The following DYRK1A variants were observed in gnomAD, a reference collection of about 807,000 sequenced individuals.
DYRK1A encodes the protein dual specificity tyrosine-phosphorylation-regulated kinase 1A.
Under a neutral mutation model 79.7 loss-of-function variants are expected in DYRK1A, and 9 were observed. That is an observed-to-expected ratio of 0.11 (90% CI 0.07 to 0.20). The LOEUF (loss-of-function observed/expected upper bound fraction) is 0.20, where lower values mean the gene tolerates loss of function less well. Ranked by LOEUF, DYRK1A falls within the 10% of genes least tolerant of loss-of-function variation. DYRK1A has a pLI of 1.00. For synonymous variants in DYRK1A, 349 were observed against 329.7 expected (o/e 1.06, Z -0.63); for missense variants, 622 against 956.0 (o/e 0.65, Z 4.61).
At chr21:37,504,157 C>A in intron 9 of DYRK1A, 1 of 152,328 alleles carries the variant, frequency 6.6e-6, no homozygotes, top group Non-Finnish European at 1.5e-5. Context: ...ATGTTTTGAG[C>A]TGGGATCAGG....
intron 5 of DYRK1A, among the ~76,000 whole-genome samples, chr21:37,484,364 T>C (rs955012911): frequency 1.3e-5 from 2 of 151,588 alleles, no homozygotes; most frequent in Non-Finnish European, 2.9e-5. Flanking sequence ...GTTTTGCTTT[T>C]GTTGCCCAGG....
chr21:37,501,149 T>G (rs1423940309), intron 9 of DYRK1A, among the ~76,000 whole-genome samples: 1 of 150,356 alleles, frequency 6.7e-6, no homozygotes, highest in African/African-American at 2.4e-5. Flanking sequence ...TTTTATATGT[T>G]TTTTTTGTTG....
chr21:37,368,666 C>G (rs1243931772), intron 1 of DYRK1A, among the ~76,000 whole-genome samples: 1 of 152,142 alleles, frequency 6.6e-6, no homozygotes, highest in Non-Finnish European at 1.5e-5. Flanking sequence ...CCGGTAGGAA[C>G]TGTTCCCATT....
chr21:37,446,956 T>G (rs2051293507), intron 2 of DYRK1A, among the ~76,000 whole-genome samples: 1 of 152,118 alleles, frequency 6.6e-6, no homozygotes, highest in Non-Finnish European at 1.5e-5. Context: ...CTCTCCTGAT[T>G]GTTACTAGTC....
chr21:37,395,095 C>T (rs2049936990), intron 1 of DYRK1A, among the ~76,000 whole-genome samples: 1 of 152,134 alleles, frequency 6.6e-6, no homozygotes, highest in Non-Finnish European at 1.5e-5. Context: ...TAGTTCTCTT[C>T]TTGATTCTGA....
At chr21:37,504,515 T>C (rs558145840) in intron 9 of DYRK1A, 8 of 152,208 alleles carry the variant, frequency 5.3e-5, no homozygotes, top group Non-Finnish European at 1.2e-4. Flanking sequence ...ATTTTATGAC[T>C]TATTAGAGGA....
rs1452895618 is a variant in DYRK1A at position 37,517,496 on chromosome 21, A to G, written c.*4965A>G. ...ATTCTTGTAAAGTTTTGCTTCCATTATATACTCATTCATTAGTCAGTGTAC... is the reference window on the plus strand; with the variant it reads ...ATTCTTGTAAAGTTTTGCTTCCATTGTATACTCATTCATTAGTCAGTGTAC... On this transcript the variant is annotated 3_prime_UTR_variant, in exon 12 of 12. Transcript: ENST00000647188. The G allele has an allele frequency of 6.6e-6, 1 of 152,116 alleles. No homozygotes were observed. The highest frequency in any genetic ancestry group is 2.4e-5 in the African/African-American group (1 of 41,428). 9.4% of individuals were successfully genotyped at this position (152,116 alleles called of 1,614,324 possible). A position where few individuals can be genotyped will look rare whatever the true frequency, so the allele number is the denominator to read the frequency against.
At chr21:37,366,063 G>C (rs2049295617), upstream of DYRK1A, 2 of 151,428 alleles carry the variant, frequency 1.3e-5, no homozygotes, top group Non-Finnish European at 3.0e-5. Context: ...CCCCCACCAC[G>C]GCCTCCGCCG....
At chr21:37,399,549 C>G (rs1481468962) in intron 1 of DYRK1A, among the ~76,000 whole-genome samples, 1 of 152,140 alleles carries the variant, frequency 6.6e-6, no homozygotes. Flanking sequence ...ACAGTTTGTA[C>G]TTTCATGTTG....
intron 1 of DYRK1A, among the ~76,000 whole-genome samples, chr21:37,374,844 G>A (rs910064407): frequency 6.6e-6 from 1 of 152,126 alleles, no homozygotes; most frequent in African/African-American, 2.4e-5. Context: ...TGAGCCACTG[G>A]GCCTAGCTGG....
intron 11 of DYRK1A, 43 bp downstream of exon 11, chr21:37,506,266 C>G: frequency 6.2e-7 from 1 of 1,613,846 alleles, no homozygotes; most frequent in Middle Eastern, 1.7e-4. Context: ...ACCTGCCATT[C>G]TCAGGTGGAG....
intron 2 of DYRK1A, among the ~76,000 whole-genome samples, chr21:37,450,232 A>C (rs538021891): frequency 5.5e-4 from 84 of 152,260 alleles, no homozygotes; most frequent in African/African-American, 2.0e-3. Context: ...GAGATTTGTT[A>C]GTTTGGTTTT....
Position 37,518,640 on chromosome 21 carries a change from C to G in DYRK1A, c.*6109C>G, listed in dbSNP as rs1320402392. On this transcript the variant is annotated 3_prime_UTR_variant, in exon 12 of 12. Transcript: ENST00000647188. ...CTTTTTTTTTTTTTTTTTTTGGAGACAGTCTTGCTTTGTCTCCCAGGTTGG... is the reference window on the plus strand; with the variant it reads ...CTTTTTTTTTTTTTTTTTTTGGAGAGAGTCTTGCTTTGTCTCCCAGGTTGG... 1 of 133,598 alleles carries G rather than the reference C, an allele frequency of 7.5e-6. No individual in the cohort carries two copies. Among genetic ancestry groups the G allele is most frequent in the Non-Finnish European group, 1.6e-5 (1 of 64,192 alleles). 8.3% of individuals were successfully genotyped at this position (133,598 alleles called of 1,614,324 possible). A position where few individuals can be genotyped will look rare whatever the true frequency, so the allele number is the denominator to read the frequency against.
chr21:37,516,899 A>G lies in DYRK1A; in HGVS notation c.*4368A>G, dbSNP rs567994694. ...CAACTGGACGCTGATTTGAAACACAACTAGAATGCTACAGGTCTCTCTTCC... is the reference window on the plus strand; with the variant it reads ...CAACTGGACGCTGATTTGAAACACAGCTAGAATGCTACAGGTCTCTCTTCC... On this transcript the variant is annotated 3_prime_UTR_variant, in exon 12 of 12. Coordinates refer to ENST00000647188, the MANE Select transcript of DYRK1A (RefSeq NM_001347721.2). 5.9e-5 allele frequency: 9 copies of G among 152,256 alleles called. No individual in the cohort carries two copies. Among genetic ancestry groups the G allele is most frequent in the South Asian group, 4.1e-4 (2 of 4,834 alleles). 9.4% of individuals were successfully genotyped at this position (152,256 alleles called of 1,614,324 possible). A position where few individuals can be genotyped will look rare whatever the true frequency, so the allele number is the denominator to read the frequency against.
At chr21:37,368,322 A>G (rs1392782678) in intron 1 of DYRK1A, among the ~76,000 whole-genome samples, 2 of 152,208 alleles carry the variant, frequency 1.3e-5, no homozygotes, top group African/African-American at 4.8e-5. Context: ...TATCGCCACA[A>G]AACTTCACCA....
chr21:37,396,452 C>G (rs2049961145), intron 1 of DYRK1A, among the ~76,000 whole-genome samples: 1 of 151,310 alleles, frequency 6.6e-6, no homozygotes. Flanking sequence ...CCTGAAAATA[C>G]ATTGCTTGGC....
At chr21:37,487,416 C>T (rs189921081) in intron 6 of DYRK1A, 93 of 152,250 alleles carry the variant, frequency 6.1e-4, no homozygotes, top group African/African-American at 1.9e-3. Flanking sequence ...TCTAGTACAC[C>T]TTCTTTCGCA....
chr21:37,434,241 T>A (rs1311320844), intron 2 of DYRK1A, among the ~76,000 whole-genome samples: 3 of 152,198 alleles, frequency 2.0e-5, no homozygotes, highest in African/African-American at 7.2e-5. Flanking sequence ...GAGACGTTTA[T>A]AGACACTCTA....
At chr21:37,403,169 G>T (rs144420315) in intron 1 of DYRK1A, among the ~76,000 whole-genome samples, 2 of 151,470 alleles carry the variant, frequency 1.3e-5, no homozygotes, top group Admixed American at 1.3e-4. Context: ...TTGCCCTTTG[G>T]TTATTATGTT....
Sources: allele counts gnomAD v4.1 joint callset (sites outside exome capture counted in the v4.1 genomes callset), GRCh38; gene constraint gnomAD v4.1.1; transcripts MANE v1.5; gene names NCBI Gene and HGNC (gene_info 2026-07-23, HGNC 2026-07-21).